Variants in POLH observed in about 807,000 individuals in gnomAD.
POLH encodes DNA polymerase eta transcript.
POLH carries 53 observed loss-of-function variants against 73.6 expected under a neutral mutation model. The ratio of observed to expected loss-of-function variants is 0.72; its 90% CI spans 0.58 to 0.91. The LOEUF is 0.91. Among genes scored for constraint, POLH ranks in the 40% least tolerant of loss-of-function variants. POLH has a pLI of 0.00. For synonymous variants in POLH, 292 were observed against 308.5 expected, an observed-to-expected ratio of 0.95 and a Z score of 0.56; for missense variants, 768 against 865.4, an observed-to-expected ratio of 0.89 and a Z score of 1.41.
intron 6 of POLH, among the ~76,000 whole-genome samples, chr6:43,603,246 C>T (rs989617524): frequency 6.6e-6 from 1 of 152,094 alleles, no homozygotes; most frequent in Non-Finnish European, 1.5e-5. Context: ...CCCACCTCAG[C>T]CTCCCAAGTA....
In POLH at chr6:43,583,057, T is replaced by C. The variant is rs778989527; in HGVS notation, c.188T>C (p.Met63Thr). 1.2e-6 allele frequency: 2 copies of C among 1,613,568 alleles called. No individual in the cohort carries two copies. The highest frequency in any genetic ancestry group is 1.7e-6 in the Non-Finnish European group (2 of 1,179,456). The change falls in exon 3 of 11, where the codon ATG becomes ACG. Residue 63 changes from methionine (M) to threonine (T), a missense_variant. Met to Thr is a moderately conservative substitution (Grantham distance 81). Transcript: ENST00000372236. ...CGTGCATTTGGAGTCACTAGAAGTA[T>C]GTGGGCAGATGATGCTAAGAAGTTA... ...EARAFGVTRS[M>T]WADDAKKLCP...
chr6:43,582,761 G>T (rs1021325587), intron 2 of POLH, among the ~76,000 whole-genome samples: 2 of 152,186 alleles, frequency 1.3e-5, no homozygotes, highest in East Asian at 3.8e-4. Context: ...TGCCCAAGCA[G>T]GTCTTGAACT....
At chr6:43,589,247 A>G (rs1221053801) in intron 4 of POLH, among the ~76,000 whole-genome samples, 6 of 152,314 alleles carry the variant, frequency 3.9e-5, no homozygotes, top group South Asian at 4.1e-4. Context: ...AGCGTAATCC[A>G]TGATATGGAT....
In POLH at chr6:43,618,891, A is replaced by C. The variant is rs561908840; in HGVS notation, c.*4334A>C. On this transcript the variant is annotated 3_prime_UTR_variant, in exon 11 of 11. Coordinates refer to ENST00000372236, the MANE Select transcript of POLH (RefSeq NM_006502.3). ...AGTGATCCACCCGCCCTGGCCTCCC[A>C]AAGTGCTGGGATTACAGGCCTGAGC... Among the ~76,000 whole-genome samples, 2 of 151,666 alleles carry C rather than the reference A, an allele frequency of 1.3e-5. No homozygotes were observed. The highest frequency in any genetic ancestry group is 4.2e-4 in the South Asian group (2 of 4,784).
rs1768334700 is a variant in POLH, at chr6:43,616,263, G to A, written c.*1706G>A. 6.7e-6 allele frequency among the ~76,000 whole-genome samples: 1 copy of A among 148,994 alleles called. No homozygotes were observed. The highest frequency in any genetic ancestry group is 2.0e-4 in the East Asian group (1 of 5,008). The stretch of plus-strand genomic sequence containing the variant: ...CCACTGCACTCCAGCCTGGGTGACA[G>A]AGCGAGACTCCGTCTCAAAAAAAAA... On this transcript the variant is annotated 3_prime_UTR_variant, in exon 11 of 11. Transcript: ENST00000372236.
At chr6:43,597,560 C>A in intron 4 of POLH, 136 bp from the exon 5 acceptor site, 1 of 770,494 alleles carries the variant, frequency 1.3e-6, no homozygotes, top group Non-Finnish European at 2.1e-6. Flanking sequence ...TATAATTGGT[C>A]TTCTAAGCTG....
chr6:43,598,017 AGCC>A, intron 5 of POLH, 152 bp downstream of exon 5: 1 of 711,754 alleles, frequency 1.4e-6, no homozygotes, highest in South Asian at 1.6e-5. Flanking sequence ...GTTGAAGAGC[AGCC>A]TGGGAAACAT....
chr6:43,576,883 C>T (rs1394098167), intron 1 of POLH, among the ~76,000 whole-genome samples: 1 of 152,216 alleles, frequency 6.6e-6, no homozygotes, highest in Non-Finnish European at 1.5e-5. Context: ...TGGCCGGGCG[C>T]GGTGGCTCAC....
chr6:43,576,232 C>A lies in POLH; in HGVS notation c.-213C>A, dbSNP rs1016699386. 4 of 185,110 alleles carry A rather than the reference C, an allele frequency of 2.2e-5. No homozygotes were observed. The highest frequency in any genetic ancestry group is 3.3e-5 in the Non-Finnish European group (3 of 90,232). 11.5% of individuals were successfully genotyped at this position (185,110 alleles called of 1,614,324 possible). A position where few individuals can be genotyped will look rare whatever the true frequency, so the allele number is the denominator to read the frequency against. ...GCGCGCCGCTCTCGTCTGATCCCTG[C>A]TGGGGACGGTTGCCCGGGCAGGATC... is the stretch of plus-strand genomic sequence containing the variant. On this transcript the variant is annotated 5_prime_UTR_variant, in exon 1 of 11. In the 5' UTR this introduces an upstream ATG that the reference lacks. Coordinates refer to ENST00000372236, the MANE Select transcript of POLH (RefSeq NM_006502.3).
intron 9 of POLH, 67 bp from the exon 10 acceptor site, chr6:43,610,487 G>T: frequency 1.5e-6 from 2 of 1,328,616 alleles, no homozygotes; most frequent in Non-Finnish European, 1.1e-6. Context: ...CTCTCCTGCA[G>T]TTCAGTACCT....
Position 43,613,830 on chromosome 6 carries a change from C to A in POLH, c.1415C>A (p.Ala472Asp). Residue 472 changes from alanine (A) to aspartate (D), a missense_variant, in exon 11 of 11, where the codon GCC becomes GAC. Coordinates refer to ENST00000372236, the MANE Select transcript of POLH (RefSeq NM_006502.3). ...KTQGSGPAVT[A>D]TKKATTSLES... ...CAGGGAAGTGGCCCAGCGGTGACAG[C>A]CACTAAGAAAGCAACCACGTCTCTG... 1 of 1,614,194 alleles carries A rather than the reference C, an allele frequency of 6.2e-7. No individual in the cohort carries two copies. Among genetic ancestry groups the A allele is most frequent in the South Asian group, 1.1e-5 (1 of 91,086 alleles).
intron 1 of POLH, among the ~76,000 whole-genome samples, chr6:43,580,870 G>C (rs1194068678): frequency 3.4e-5 from 5 of 148,684 alleles, no homozygotes; most frequent in Admixed American, 6.6e-5. Context: ...CTCCCAGACG[G>C]GGCGGCTGGC....
chr6:43,614,588 A>T lies in POLH; in HGVS notation c.*31A>T, dbSNP rs201946729. On this transcript the variant is annotated 3_prime_UTR_variant, in exon 11 of 11. Coordinates refer to ENST00000372236, the MANE Select transcript of POLH (RefSeq NM_006502.3). ...CCCTCAGGCTTGCCTGTAGGATTTA[A>T]TATTTTTTATCTTTACAGATCTTTA... 1.9e-6 allele frequency: 3 copies of T among 1,556,198 alleles called. No homozygotes were observed. The highest frequency in any genetic ancestry group is 2.7e-6 in the Non-Finnish European group (3 of 1,131,608).
chr6:43,600,385 C>T (rs962942016), intron 5 of POLH, among the ~76,000 whole-genome samples: 1 of 151,664 alleles, frequency 6.6e-6, no homozygotes, highest in Non-Finnish European at 1.5e-5. Context: ...CGCCACTGCC[C>T]TCCAGCCTGG....
At chr6:43,578,260 G>C (rs1053759951) in intron 1 of POLH, among the ~76,000 whole-genome samples, 1 of 152,060 alleles carries the variant, frequency 6.6e-6, no homozygotes, top group Non-Finnish European at 1.5e-5. Context: ...GGTGGCGTGC[G>C]CCTGTAATCC....
At chr6:43,608,284 G>A (rs1767515287) in intron 9 of POLH, among the ~76,000 whole-genome samples, 1 of 152,062 alleles carries the variant, frequency 6.6e-6, no homozygotes, top group South Asian at 2.1e-4. Context: ...TAATGGTATT[G>A]TTTGATGCAT....
chr6:43,598,201 C>CAAAAAAAAAA (rs560020212), intron 5 of POLH, among the ~76,000 whole-genome samples: 1 of 73,294 alleles, frequency 1.4e-5, no homozygotes, highest in African/African-American at 5.1e-5. Flanking sequence ...AGACTGTCAC[C>CAAAAAAAAAA]AAAAAAAAAA....
At chr6:43,584,262 G>A (rs891115434) in intron 3 of POLH, among the ~76,000 whole-genome samples, 2 of 152,166 alleles carry the variant, frequency 1.3e-5, no homozygotes, top group African/African-American at 2.4e-5. Context: ...TAGGAATCAT[G>A]CTTTGACTTA....
chr6:43,593,805 A>G (rs180879099), intron 4 of POLH, among the ~76,000 whole-genome samples: 213 of 149,520 alleles, frequency 1.4e-3, no homozygotes, highest in Non-Finnish European at 2.4e-3. Flanking sequence ...ACTTGAACCC[A>G]GGAGGCAGAG....
Sources: allele counts gnomAD v4.1 joint callset (sites outside exome capture counted in the v4.1 genomes callset), GRCh38; gene constraint gnomAD v4.1.1; transcripts MANE v1.5; gene names NCBI Gene and HGNC (gene_info 2026-07-23, HGNC 2026-07-21).